CACNG7: variants seen among roughly 807,000 people sequenced by gnomAD.
The protein encoded by CACNG7 is voltage-dependent calcium channel gamma-7 subunit.
CACNG7 carries 9 observed loss-of-function variants against 26.3 expected under a neutral mutation model. The ratio of observed to expected loss-of-function variants is 0.34; its 90% CI spans 0.21 to 0.60. The LOEUF is 0.60. Ranked by LOEUF, CACNG7 falls within the 20% of genes least tolerant of loss-of-function variation. The pLI, the probability that CACNG7 is intolerant of heterozygous loss-of-function variation, is 0.81. For missense variants in CACNG7, 297 were observed against 380.4 expected, an observed-to-expected ratio of 0.78 and a Z score of 1.82; for synonymous variants, 170 against 157.0, an observed-to-expected ratio of 1.08 and a Z score of -0.62.
chr19:53,921,585 GT>G (rs201985268), intron 4 of CACNG7, among the ~76,000 whole-genome samples: 98 of 98,278 alleles, frequency 1.0e-3, no homozygotes, highest in African/African-American at 4.6e-3. Context: ...GTTGCCCCAG[GT>G]CTGGTCATTG....
At chr19:53,913,245 G>C (rs553355164) in intron 2 of CACNG7, among the ~76,000 whole-genome samples, 30 of 152,054 alleles carry the variant, frequency 2.0e-4, no homozygotes, top group Admixed American at 1.8e-3. Context: ...AGGAATTCTG[G>C]AGCCTTCCTT....
chr19:53,936,596 A>G (rs1600000171), intron 4 of CACNG7, among the ~76,000 whole-genome samples: 1 of 152,028 alleles, frequency 6.6e-6, no homozygotes, highest in Admixed American at 6.6e-5. Context: ...ATTTTATTCT[A>G]TTTTGTTTTT....
chr19:53,938,312 C>G (rs2069117763), intron 4 of CACNG7, among the ~76,000 whole-genome samples: 1 of 152,006 alleles, frequency 6.6e-6, no homozygotes. Flanking sequence ...TGCACCAATG[C>G]ACTCCTGCCT....
intron 4 of CACNG7, among the ~76,000 whole-genome samples, chr19:53,937,883 G>A (rs528671009): frequency 5.3e-5 from 8 of 152,140 alleles, no homozygotes; most frequent in South Asian, 4.2e-4. Flanking sequence ...AAGCCACTGC[G>A]CCTGGCCCAT....
chr19:53,938,460 G>C (rs2069118729), intron 4 of CACNG7, among the ~76,000 whole-genome samples: 1 of 152,146 alleles, frequency 6.6e-6, no homozygotes, highest in Admixed American at 6.6e-5. Flanking sequence ...AGTCTAAGAG[G>C]TCAGCGAAGT....
At position 53,928,458 on chromosome 19, in the gene CACNG7, A is replaced by G. The variant is rs180900261; in HGVS notation, c.424+12953A>G. ...GGCTAATTTTTTTTTGTATTTTTGT[A>G]GAGACGGGGTTTCACCATGTTGGCC... On this transcript the variant is annotated intron_variant, in intron 4 of 5. Coordinates refer to ENST00000391767, the MANE Select transcript of CACNG7 (RefSeq NM_031896.5). 1.8e-4 allele frequency among the ~76,000 whole-genome samples: 27 copies of G among 151,958 alleles called. No individual in the cohort carries two copies. The East Asian group carries it at 5.3e-3, about 30-fold the overall frequency.
Position 53,941,662 on chromosome 19 carries a change from T to C in CACNG7, c.570+47T>C. On this transcript the variant is annotated intron_variant, in intron 5 of 5. Transcript: ENST00000391767. ...CTCTAGAGTTCTGAATGGAGAGAGGTCTTGGGGGCCTGGTTCCTGAGTCCA... is the reference window on the plus strand; with the variant it reads ...CTCTAGAGTTCTGAATGGAGAGAGGCCTTGGGGGCCTGGTTCCTGAGTCCA... The C allele has an allele frequency of 3.8e-6, 6 of 1,580,270 alleles. No homozygotes were observed. The South Asian group carries it at 7.0e-5, about 18-fold the overall frequency.
intron 5 of CACNG7, 106 bp downstream of exon 5, chr19:53,941,721 C>A: frequency 1.5e-6 from 2 of 1,361,486 alleles, no homozygotes; most frequent in Non-Finnish European, 1.0e-6. Context: ...CAGACTCTGG[C>A]GTCAGAGGGA....
intron 4 of CACNG7, among the ~76,000 whole-genome samples, chr19:53,924,765 G>C (rs2069009372): frequency 6.9e-6 from 1 of 144,120 alleles, no homozygotes; most frequent in South Asian, 2.3e-4. Flanking sequence ...GACTTGCCTA[G>C]GGCTGGTCAT....
At position 53,913,785 on chromosome 19, in the gene CACNG7, T is replaced by TAAA. The variant is rs58238779; in HGVS notation, c.197-694_197-692dup. Among the ~76,000 whole-genome samples, 205 of 93,966 alleles carry TAAA rather than the reference T, an allele frequency of 2.2e-3. 3 individuals are homozygous for TAAA. Among genetic ancestry groups the TAAA allele is most frequent in the Middle Eastern group, 6.9e-3 (1 of 144 alleles). The allele number at this position is 93,966 out of a possible 152,430, so 61.6% of individuals were successfully genotyped here. On this transcript the variant is annotated intron_variant, in intron 2 of 5. Transcript: ENST00000391767. ...GGTGACAGAGCAAAACCCAGTCTCT[T>TAAA]AAAAAAAAAAAAAAAAAAAAAAAGA... is the stretch of plus-strand genomic sequence containing the variant.
chr19:53,926,000 C>G (rs1203466192), intron 4 of CACNG7, among the ~76,000 whole-genome samples: 1 of 152,176 alleles, frequency 6.6e-6, no homozygotes, highest in Non-Finnish European at 1.5e-5. Flanking sequence ...AGCCCCTGAT[C>G]ATTAAACATG....
At chr19:53,924,035 G>GT (rs200034053) in intron 4 of CACNG7, among the ~76,000 whole-genome samples, 9 of 134,774 alleles carry the variant, frequency 6.7e-5, no homozygotes, top group South Asian at 2.5e-4. Context: ...TGGTGGAGTT[G>GT]CCCCAGGCCT....
intron 1 of CACNG7, among the ~76,000 whole-genome samples, chr19:53,911,909 T>G: frequency 6.6e-6 from 1 of 152,168 alleles, no homozygotes; most frequent in Non-Finnish European, 1.5e-5. Flanking sequence ...AGTGTAAACT[T>G]CAGTGGGGGC....
chr19:53,934,774 A>G (rs1429247396), intron 4 of CACNG7, among the ~76,000 whole-genome samples: 2 of 152,116 alleles, frequency 1.3e-5, no homozygotes, highest in African/African-American at 2.4e-5. Context: ...CCCCATCTCA[A>G]TAGATAAATA....
intron 4 of CACNG7, among the ~76,000 whole-genome samples, chr19:53,923,863 G>C (rs1200281073): frequency 1.4e-5 from 2 of 139,766 alleles, no homozygotes; most frequent in Admixed American, 1.4e-4. Context: ...CTGGTCATTG[G>C]TGGAGTTGCC....
In CACNG7 at chr19:53,942,229, C is replaced by T. The variant is rs1445416001; in HGVS notation, c.764C>T (p.Thr255Met). The change falls in exon 6 of 6, where the codon ACG (threonine) becomes ATG (methionine). Residue 255 changes from threonine to methionine, a missense_variant. By Grantham distance (81) the Thr-to-Met change is moderately conservative (BLOSUM62 -1). Coordinates refer to ENST00000391767, the MANE Select transcript of CACNG7 (RefSeq NM_031896.5). The surrounding 1 kb of genome is among the most constrained non-coding windows in gnomAD (Gnocchi z 5.9). ...TCCAGCGACGTGTCCATCCAAATGA[C>T]GCAGAACTACCCTCCCGCCATCAAG... ...DISSDVSIQM[T>M]QNYPPAIKYP... The T allele has an allele frequency of 6.2e-7, 1 of 1,614,028 alleles. No individual in the cohort carries two copies.
Position 53,935,509 on chromosome 19 carries a change from G to C in CACNG7, c.425-5961G>C, listed in dbSNP as rs527955137. On this transcript the variant is annotated intron_variant, in intron 4 of 5. Coordinates refer to ENST00000391767, the MANE Select transcript of CACNG7 (RefSeq NM_031896.5). ...GGCTAATTTTTGTGTTTTTAGTAGAGACAAGGTTTCACCATGTGGGTCAGG... is the reference window on the plus strand; with the variant it reads ...GGCTAATTTTTGTGTTTTTAGTAGACACAAGGTTTCACCATGTGGGTCAGG... Among the ~76,000 whole-genome samples, 42 of 150,740 alleles carry C rather than the reference G, an allele frequency of 2.8e-4. No homozygotes were observed. The Middle Eastern group carries it at 0.01, about 37-fold the overall frequency.
At chr19:53,927,779 A>C (rs1423937508) in intron 4 of CACNG7, among the ~76,000 whole-genome samples, 1 of 150,904 alleles carries the variant, frequency 6.6e-6, no homozygotes, top group Admixed American at 6.6e-5. Context: ...CGGAGGTTGC[A>C]GTGAGCCGAG....
chr19:53,913,052 TCAA>T, intron 2 of CACNG7, 25 bp downstream of exon 2: 1 of 1,592,260 alleles, frequency 6.3e-7, no homozygotes, highest in Non-Finnish European at 8.6e-7. Context: ...CGTCTTCCAC[TCAA>T]CAGTTTCTGC....
Sources: gnomAD v4.1 joint callset for allele counts (sites outside exome capture counted in the v4.1 genomes callset) on GRCh38, gnomAD v4.1.1 for gene constraint, Gnocchi (gnomAD v3.1) non-coding constraint, MANE v1.5 for transcripts, NCBI Gene and HGNC (gene_info 2026-07-23, HGNC 2026-07-21) for gene names.